Variants in TTC13 observed in about 807,000 individuals in gnomAD.
The protein encoded by TTC13 is tetratricopeptide repeat protein 13.
A neutral mutation model predicts 120.0 loss-of-function variants in TTC13; 62 were observed. That is an observed-to-expected ratio of 0.52 (90% CI 0.42 to 0.64). TTC13 has a LOEUF of 0.64. TTC13 is among the 30% of genes least tolerant of loss of function. The pLI is 0.00. For synonymous variants in TTC13, 384 were observed against 393.5 expected, an observed-to-expected ratio of 0.98 and a Z score of 0.28; for missense variants, 824 against 1,050.2, an observed-to-expected ratio of 0.78 and a Z score of 2.98.
At chr1:230,914,468 C>A (rs1671823351) in intron 18 of TTC13, among the ~76,000 whole-genome samples, 1 of 152,026 alleles carries the variant, frequency 6.6e-6, no homozygotes, top group Non-Finnish European at 1.5e-5. Context: ...GATCTCGGCT[C>A]ACTGCAACCT....
At chr1:230,969,732 G>A (rs917822133) in intron 1 of TTC13, among the ~76,000 whole-genome samples, 1 of 152,144 alleles carries the variant, frequency 6.6e-6, no homozygotes, top group Non-Finnish European at 1.5e-5. Context: ...CCTTTAGTAC[G>A]TCTTAGCCTC....
rs536372888 is a variant in TTC13 at position 230,976,549 on chromosome 1, AC to A, written c.271+2010del. ...GATTCTGGAAATGACTTCTTGGGTGACCACAGCGGCAGCTGCCCCACTTTAG... is the reference window on the plus strand; with the variant it reads ...GATTCTGGAAATGACTTCTTGGGTGACACAGCGGCAGCTGCCCCACTTTAG... On this transcript the variant is annotated intron_variant, in intron 1 of 22. Coordinates refer to ENST00000366661, the MANE Select transcript of TTC13 (RefSeq NM_024525.5). Among the ~76,000 whole-genome samples, 9 of 152,318 alleles carry A rather than the reference AC, an allele frequency of 5.9e-5. No individual in the cohort carries two copies. In the East Asian group the frequency reaches 1.7e-3, roughly 29 times the overall value.
Position 230,978,588 on chromosome 1 carries a change from C to A in TTC13, c.243G>T (p.Trp81Cys), listed in dbSNP as rs766439345. 306 of 1,354,924 alleles carry A rather than the reference C, an allele frequency of 2.3e-4. No homozygotes were observed. Among genetic ancestry groups the A allele is most frequent in the Middle Eastern group, 1.0e-3 (4 of 3,986 alleles). 83.9% of individuals were successfully genotyped at this position (1,354,924 alleles called of 1,614,324 possible). A position where few individuals can be genotyped will look rare whatever the true frequency, so the allele number is the denominator to read the frequency against. ...CGCACTCGGCAGAGTACTGGTCCCC[C>A]CAGTCCCCGGACTGCGGGCTGCAGC... ...GGGCSPQSGDWGDQYSAECGE... is the reference protein window; with the variant it reads ...GGGCSPQSGDCGDQYSAECGE... The change falls in exon 1 of 23, where the codon TGG (tryptophan) becomes TGT (cysteine). Residue 81 changes from tryptophan to cysteine, a missense_variant. Physicochemically the swap from Trp to Cys is radical, Grantham distance 215. This residue lies in a region of TTC13 where 160 missense variants were observed against 137.2 expected (regional missense o/e 1.17). Coordinates refer to ENST00000366661, the MANE Select transcript of TTC13 (RefSeq NM_024525.5). The surrounding 1 kb of genome is among the most constrained non-coding windows in gnomAD (Gnocchi z 5.6).
At chr1:230,950,188 T>C (rs1302887430) in intron 4 of TTC13, among the ~76,000 whole-genome samples, 5 of 152,066 alleles carry the variant, frequency 3.3e-5, no homozygotes, top group Admixed American at 6.5e-5. Flanking sequence ...AAAACCAACG[T>C]TTATTCCTAA....
At chr1:230,931,160 G>A (rs926987006) in intron 11 of TTC13, 138 bp downstream of exon 11, 5 of 740,970 alleles carry the variant, frequency 6.7e-6, no homozygotes, top group Non-Finnish European at 1.1e-5. Context: ...CACTAGCACT[G>A]ACAAGGTGTG....
intron 2 of TTC13, among the ~76,000 whole-genome samples, chr1:230,960,227 T>C (rs192785572): frequency 6.6e-6 from 1 of 152,246 alleles, no homozygotes; most frequent in Non-Finnish European, 1.5e-5. Context: ...AGGCCAAGAC[T>C]AACGAGCTTT....
At chr1:230,977,849 A>G (rs1310908230) in intron 1 of TTC13, among the ~76,000 whole-genome samples, 3 of 152,248 alleles carry the variant, frequency 2.0e-5, no homozygotes, top group African/African-American at 4.8e-5. Context: ...ACTGAAGCCA[A>G]TAGCGCCCAT....
chr1:230,962,128 T>C (rs1284705642), intron 1 of TTC13, among the ~76,000 whole-genome samples: 3 of 151,658 alleles, frequency 2.0e-5, no homozygotes, highest in Non-Finnish European at 2.9e-5. Flanking sequence ...GAGAATCGCT[T>C]GAACCCGGGA....
chr1:230,948,045 C>G (rs1269739193), intron 4 of TTC13, among the ~76,000 whole-genome samples: 1 of 152,182 alleles, frequency 6.6e-6, no homozygotes, highest in Admixed American at 6.5e-5. Context: ...TTCTTCCTAT[C>G]TATTCTCCAG....
intron 18 of TTC13, among the ~76,000 whole-genome samples, chr1:230,914,744 C>G (rs1157013116): frequency 6.6e-6 from 1 of 152,016 alleles, no homozygotes; most frequent in Non-Finnish European, 1.5e-5. Context: ...TGTAAGAATA[C>G]AAAATATAAT....
chr1:230,962,152 G>A (rs898913494), intron 1 of TTC13, among the ~76,000 whole-genome samples: 8 of 151,788 alleles, frequency 5.3e-5, no homozygotes, highest in East Asian at 1.9e-4. Context: ...AGAGGTTGCC[G>A]TGAGCCGAGA....
At chr1:230,972,872 TTGCTGAAAGA>T (rs1217817644) in intron 1 of TTC13, among the ~76,000 whole-genome samples, 1 of 152,174 alleles carries the variant, frequency 6.6e-6, no homozygotes, top group Non-Finnish European at 1.5e-5. Context: ...ACCAGAGGAT[TTGCTGAAAGA>T]TGCTGTTCAG....
At chr1:230,943,677 A>G (rs1284526972) in intron 6 of TTC13, 129 bp downstream of exon 6, 1 of 639,486 alleles carries the variant, frequency 1.6e-6, no homozygotes, top group Non-Finnish European at 2.6e-6. Context: ...TAAAGGCATT[A>G]AGTACCGACA....
intron 17 of TTC13, among the ~76,000 whole-genome samples, chr1:230,917,714 G>A (rs1055307250): frequency 2.0e-5 from 3 of 151,808 alleles, no homozygotes; most frequent in Non-Finnish European, 4.4e-5. Flanking sequence ...GCGATGCCGC[G>A]TCTCAGGCTG....
rs1310375724 is a variant in TTC13, at chr1:230,942,760, C to T, written c.672+1046G>A. Among the ~76,000 whole-genome samples, 1 of 152,174 alleles carries T rather than the reference C, an allele frequency of 6.6e-6. No homozygotes were observed. Among genetic ancestry groups the T allele is most frequent in the Non-Finnish European group, 1.5e-5 (1 of 68,022 alleles). ...AGAATGCCTTTGTACAGACTCTCTT[C>T]CCTGCGCTGAACACTCTCCTCCATC... On this transcript the variant is annotated intron_variant, in intron 6 of 22. Coordinates refer to ENST00000366661, the MANE Select transcript of TTC13 (RefSeq NM_024525.5). The surrounding 1 kb of genome is among the most constrained non-coding windows in gnomAD (Gnocchi z 4.0).
chr1:230,924,026 C>G lies in TTC13; in HGVS notation c.1722-93G>C, dbSNP rs1033750028. The G allele has an allele frequency of 7.9e-6, 7 of 881,600 alleles. No homozygotes were observed. In the Admixed American group the frequency reaches 1.5e-4, roughly 18 times the overall value. The allele number at this position is 881,600 out of a possible 1,614,324, so 54.6% of individuals were successfully genotyped here. A position where few individuals can be genotyped will look rare whatever the true frequency, so the allele number is the denominator to read the frequency against. On this transcript the variant is annotated intron_variant, in intron 14 of 22. Coordinates refer to ENST00000366661, the MANE Select transcript of TTC13 (RefSeq NM_024525.5). ...GTTTGCAAAGGTGGGGATAAAGCAA[C>G]AGCTAGTCCATCATATCTAAAAACG... is the stretch of plus-strand genomic sequence containing the variant.
chr1:230,908,510 A>G, intron 22 of TTC13: 1 of 583,812 alleles, frequency 1.7e-6, no homozygotes, highest in South Asian at 2.0e-5. Context: ...ATTTTTATCC[A>G]TACATTCACC....
intron 1 of TTC13, among the ~76,000 whole-genome samples, chr1:230,971,160 A>G (rs1485970167): frequency 6.7e-6 from 1 of 149,488 alleles, no homozygotes; most frequent in Non-Finnish European, 1.5e-5. Flanking sequence ...CCTGGCTAAC[A>G]TGGTGGAACC....
chr1:230,943,567 A>G (rs1380093421), intron 6 of TTC13, among the ~76,000 whole-genome samples: 1 of 152,164 alleles, frequency 6.6e-6, no homozygotes, highest in African/African-American at 2.4e-5. Flanking sequence ...TTTTCATACT[A>G]AATATTTTCA....
Sources: allele counts gnomAD v4.1 joint callset (sites outside exome capture counted in the v4.1 genomes callset), GRCh38; gene constraint gnomAD v4.1.1; regional missense constraint gnomAD v4.1.1; non-coding constraint Gnocchi (gnomAD v3.1); transcripts MANE v1.5; gene names NCBI Gene and HGNC (gene_info 2026-07-23, HGNC 2026-07-21).